Variants in TMEM266 observed in about 807,000 individuals in gnomAD.
The protein encoded by TMEM266 is transmembrane protein 266, also known as Hv1 related protein 1.
A neutral mutation model predicts 50.5 loss-of-function variants in TMEM266; 33 were observed. That is an observed-to-expected ratio of 0.65 (90% CI 0.50 to 0.87). TMEM266 has a LOEUF of 0.87. Among genes scored for constraint, TMEM266 ranks in the 40% least tolerant of loss-of-function variants. The pLI is 0.00. For missense variants in TMEM266, 655 were observed against 695.1 expected, an observed-to-expected ratio of 0.94 and a Z score of 0.65; for synonymous variants, 310 against 292.3, an observed-to-expected ratio of 1.06 and a Z score of -0.62.
Position 76,101,730 on chromosome 15 carries a change from G to A in TMEM266, c.-96-32438G>A, listed in dbSNP as rs117843735. On this transcript the variant is annotated intron_variant, in intron 1 of 10. Coordinates refer to ENST00000388942, the MANE Select transcript of TMEM266 (RefSeq NM_152335.3). Reference sequence around the variant, plus strand: ...CAGACCCACAAAGAGGGGATACACCGCTCCCACCTCCTTTATCACCCTCAG... The same window carrying A: ...CAGACCCACAAAGAGGGGATACACCACTCCCACCTCCTTTATCACCCTCAG... 2.8e-4 allele frequency among the ~76,000 whole-genome samples: 42 copies of A among 152,302 alleles called. No individual in the cohort carries two copies. The East Asian group carries it at 7.3e-3, about 27-fold the overall frequency.
chr15:76,085,803 T>C (rs916464991), intron 1 of TMEM266, among the ~76,000 whole-genome samples: 1 of 152,254 alleles, frequency 6.6e-6, no homozygotes, highest in South Asian at 2.1e-4. Context: ...TCCCAGCACT[T>C]TGGGAGGCCG....
intron 3 of TMEM266, among the ~76,000 whole-genome samples, chr15:76,151,481 G>A (rs1464100522): frequency 6.6e-6 from 1 of 152,124 alleles, no homozygotes; most frequent in Non-Finnish European, 1.5e-5. Context: ...CTGTTCTGGA[G>A]CCCTGGGGTC....
intron 8 of TMEM266, among the ~76,000 whole-genome samples, chr15:76,188,051 T>C (rs577835934): frequency 4.5e-4 from 68 of 152,186 alleles, no homozygotes; most frequent in Non-Finnish European, 6.9e-4. Context: ...TGTTGGTAGC[T>C]TGAAATCAGC....
At chr15:76,144,837 C>T (rs571409212) in intron 3 of TMEM266, among the ~76,000 whole-genome samples, 2 of 152,296 alleles carry the variant, frequency 1.3e-5, no homozygotes, top group South Asian at 4.1e-4. Flanking sequence ...GGTATCTGCA[C>T]CCCAGCTGAG....
chr15:76,114,870 C>T (rs2037224798), intron 1 of TMEM266, among the ~76,000 whole-genome samples: 1 of 152,212 alleles, frequency 6.6e-6, no homozygotes, highest in Non-Finnish European at 1.5e-5. Flanking sequence ...CTTTTTTATC[C>T]ATTCTATTTC....
chr15:76,181,791 C>T (rs980357962), intron 8 of TMEM266, among the ~76,000 whole-genome samples: 3 of 152,176 alleles, frequency 2.0e-5, no homozygotes, highest in Non-Finnish European at 4.4e-5. Flanking sequence ...ACTCATCTCA[C>T]GAAACCACCT....
intron 7 of TMEM266, chr15:76,174,888 A>G (rs2038249545): frequency 6.6e-6 from 1 of 152,300 alleles, no homozygotes; most frequent in African/African-American, 2.4e-5. Flanking sequence ...ACTCCACTGC[A>G]TGGCTAGACC....
At chr15:76,200,545 G>T (rs1197959099) in intron 9 of TMEM266, among the ~76,000 whole-genome samples, 2 of 152,220 alleles carry the variant, frequency 1.3e-5, no homozygotes, top group Non-Finnish European at 2.9e-5. Context: ...TCGCTGCTCT[G>T]TGGATACTTT....
intron 3 of TMEM266, among the ~76,000 whole-genome samples, chr15:76,156,061 A>G (rs1189703909): frequency 6.6e-6 from 1 of 152,218 alleles, no homozygotes; most frequent in Non-Finnish European, 1.5e-5. Flanking sequence ...CATGAGCTGC[A>G]GGTTTGCATA....
chr15:76,092,437 C>T (rs2036861093), intron 1 of TMEM266, among the ~76,000 whole-genome samples: 1 of 152,052 alleles, frequency 6.6e-6, no homozygotes, highest in African/African-American at 2.4e-5. Context: ...TGCCTGTAAT[C>T]ACAGCACTTT....
intron 1 of TMEM266, among the ~76,000 whole-genome samples, chr15:76,088,017 A>G (rs2036798305): frequency 6.6e-6 from 1 of 152,046 alleles, no homozygotes; most frequent in Admixed American, 6.6e-5. Flanking sequence ...GCTTCTTGAA[A>G]TTTTCTCCTA....
intron 1 of TMEM266, among the ~76,000 whole-genome samples, chr15:76,122,087 T>C (rs957803746): frequency 6.6e-6 from 1 of 152,278 alleles, no homozygotes; most frequent in Non-Finnish European, 1.5e-5. Context: ...TGGGTGGCTC[T>C]TTTGGTCTTG....
rs547691328 is a variant in TMEM266, at chr15:76,152,694, G to A, written c.228-3910G>A. ...ACCCCCATCAGCTTTCTCACATGTC[G>A]CTTTCTCACTGAGGCCTGCTCTGAC... On this transcript the variant is annotated intron_variant, in intron 3 of 10. Coordinates refer to ENST00000388942, the MANE Select transcript of TMEM266 (RefSeq NM_152335.3). 4.4e-3 allele frequency among the ~76,000 whole-genome samples: 495 copies of A among 112,286 alleles called. 1 individual carries two copies. The highest frequency in any genetic ancestry group is 0.012 in the African/African-American group (464 of 38,630). The allele number at this position is 112,286 out of a possible 152,430, so 73.7% of individuals were successfully genotyped here.
intron 1 of TMEM266, among the ~76,000 whole-genome samples, chr15:76,083,878 C>T (rs2036732014): frequency 6.6e-6 from 1 of 151,932 alleles, no homozygotes; most frequent in Non-Finnish European, 1.5e-5. Context: ...AAAAGTTGGT[C>T]AGGTAGAGAG....
intron 9 of TMEM266, among the ~76,000 whole-genome samples, chr15:76,196,129 G>T (rs1311279241): frequency 1.3e-5 from 2 of 152,200 alleles, no homozygotes; most frequent in African/African-American, 4.8e-5. Flanking sequence ...GGAAACTAAG[G>T]TAGGGGATAT....
In TMEM266 at chr15:76,156,609, A is replaced by G; in HGVS notation, c.233A>G (p.Asn78Ser). 2 of 1,613,814 alleles carry G rather than the reference A, an allele frequency of 1.2e-6. No individual in the cohort carries two copies. The highest frequency in any genetic ancestry group is 8.5e-7 in the Non-Finnish European group (1 of 1,179,984). The change falls in exon 4 of 11, where the codon AAC (asparagine) becomes AGC (serine). Residue 78 changes from asparagine to serine, a missense_variant. This residue lies in a region of TMEM266 where 99 missense variants were observed against 110.8 expected (regional missense o/e 0.89). Transcript: ENST00000388942. ...CCCCACTTTTGTCCCCACAGGTCTA[A>G]CTGGCTGAAGCCGTGCTGTGGGAAG...
Position 76,098,717 on chromosome 15 carries a change from T to C in TMEM266, c.-96-35451T>C, listed in dbSNP as rs544936950. Among the ~76,000 whole-genome samples, 4 of 151,340 alleles carry C rather than the reference T, an allele frequency of 2.6e-5. No individual in the cohort carries two copies. In the South Asian group the frequency reaches 8.3e-4, roughly 31 times the overall value. On this transcript the variant is annotated intron_variant, in intron 1 of 10. Coordinates refer to ENST00000388942, the MANE Select transcript of TMEM266 (RefSeq NM_152335.3). ...CCCCAGGTGCTCTGTCCCTTGGAGATGGGGATTTTATCTATAAGTCCCTGA... is the reference window on the plus strand; with the variant it reads ...CCCCAGGTGCTCTGTCCCTTGGAGACGGGGATTTTATCTATAAGTCCCTGA...
chr15:76,128,579 T>C (rs978662804), intron 1 of TMEM266, among the ~76,000 whole-genome samples: 7 of 152,250 alleles, frequency 4.6e-5, no homozygotes, highest in African/African-American at 1.4e-4. Flanking sequence ...AGTGCTAGAC[T>C]ATGCCTGCTT....
intron 9 of TMEM266, among the ~76,000 whole-genome samples, chr15:76,197,306 C>T (rs949439008): frequency 3.9e-5 from 6 of 152,176 alleles, no homozygotes; most frequent in East Asian, 1.9e-4. Flanking sequence ...TTGAAGCAAC[C>T]GGAGGGACAT....
Sources: allele counts gnomAD v4.1 joint callset (sites outside exome capture counted in the v4.1 genomes callset), GRCh38; gene constraint gnomAD v4.1.1; regional missense constraint gnomAD v4.1.1; transcripts MANE v1.5; gene names NCBI Gene and HGNC (gene_info 2026-07-23, HGNC 2026-07-21).